The following DAPK2 variants were observed in gnomAD, a reference collection of about 807,000 sequenced individuals.
DAPK2 encodes the protein death associated protein kinase 2.
Under a neutral mutation model 44.1 loss-of-function variants are expected in DAPK2, and 35 were observed. That is an observed-to-expected ratio of 0.79 (90% CI 0.61 to 1.05). The LOEUF (loss-of-function observed/expected upper bound fraction) is 1.05. Ranked by LOEUF, DAPK2 falls within the 50% of genes least tolerant of loss-of-function variation. The probability of loss-of-function intolerance (pLI) is 0.00; values close to 1 mark genes in which losing one functional copy is unlikely to be tolerated. For synonymous variants in DAPK2, 174 were observed against 182.6 expected, an observed-to-expected ratio of 0.95 and a Z score of 0.38; for missense variants, 453 against 483.2, an observed-to-expected ratio of 0.94 and a Z score of 0.59.
chr15:63,968,879 A>G (rs1327032531), intron 3 of DAPK2, among the ~76,000 whole-genome samples: 2 of 152,202 alleles, frequency 1.3e-5, no homozygotes, highest in Non-Finnish European at 2.9e-5. Context: ...GACCCATTCA[A>G]GAAAAGACAA....
At chr15:64,042,458 G>A (rs1011767804), upstream of DAPK2, among the ~76,000 whole-genome samples, 6 of 152,184 alleles carry the variant, frequency 3.9e-5, no homozygotes, top group African/African-American at 1.4e-4. The surrounding 1 kb of genome is among the most constrained non-coding windows in gnomAD (Gnocchi z 4.7). Flanking sequence ...AAAAAATTCT[G>A]TTGGCAGAAA....
intron 1 of DAPK2, among the ~76,000 whole-genome samples, chr15:64,025,851 C>T (rs1157006625): frequency 2.0e-5 from 3 of 151,958 alleles, no homozygotes; most frequent in African/African-American, 4.8e-5. Context: ...ATGGATATTG[C>T]GGGGGATGGA....
At chr15:64,029,830 G>A (rs575987110) in intron 1 of DAPK2, 9 of 152,512 alleles carry the variant, frequency 5.9e-5, no homozygotes, top group African/African-American at 2.2e-4. Flanking sequence ...TGCTGTGGTG[G>A]AGGAGGCTTT....
chr15:63,953,692 C>T (rs1337495591), intron 3 of DAPK2, among the ~76,000 whole-genome samples: 1 of 152,170 alleles, frequency 6.6e-6, no homozygotes, highest in Non-Finnish European at 1.5e-5. Context: ...TTTGAGGAAC[C>T]TCCAAATGTT....
intron 4 of DAPK2, among the ~76,000 whole-genome samples, chr15:63,938,488 T>A (rs1158269368): frequency 1.3e-5 from 2 of 152,226 alleles, no homozygotes; most frequent in Non-Finnish European, 2.9e-5. Flanking sequence ...TCTTTCTTTT[T>A]TATTTGACTG....
chr15:63,979,694 C>T (rs2078449300), intron 2 of DAPK2, among the ~76,000 whole-genome samples: 1 of 152,108 alleles, frequency 6.6e-6, no homozygotes, highest in Non-Finnish European at 1.5e-5. Flanking sequence ...GAGTGGATCA[C>T]TGGAGGCCAG....
chr15:63,927,188 A>G (rs1459642904), intron 6 of DAPK2, among the ~76,000 whole-genome samples: 1 of 152,204 alleles, frequency 6.6e-6, no homozygotes, highest in Non-Finnish European at 1.5e-5. Flanking sequence ...GGGCTCTGGA[A>G]TTAATGGCCA....
Position 63,908,802 on chromosome 15 carries a change from A to C in DAPK2, c.1033-202T>G. On this transcript the variant is annotated intron_variant, in intron 10 of 10. Coordinates refer to ENST00000261891, the Ensembl canonical transcript of DAPK2. This position sits in a 1 kb window ranked among gnomAD's most constrained non-coding sequence, Gnocchi z 5.7. ...AAACGAGGCCAGACCAACTGCTTGG[A>C]GGAAGGAAAGCAGCAGGGCATCTAA... 2.5e-6 allele frequency: 1 copy of C among 406,802 alleles called. No individual in the cohort carries two copies. The highest frequency in any genetic ancestry group is 3.9e-5 in the East Asian group (1 of 25,830). The allele number at this position is 406,802 out of a possible 1,614,324, so 25.2% of individuals were successfully genotyped here. A position where few individuals can be genotyped will look rare whatever the true frequency, so the allele number is the denominator to read the frequency against.
At chr15:63,984,817 T>A (rs1387152783) in intron 1 of DAPK2, among the ~76,000 whole-genome samples, 1 of 152,142 alleles carries the variant, frequency 6.6e-6, no homozygotes, top group African/African-American at 2.4e-5. Context: ...TACAGGGAAA[T>A]GCCTGGGATA....
intron 3 of DAPK2, among the ~76,000 whole-genome samples, chr15:63,957,485 T>A (rs1025977834): frequency 6.6e-6 from 1 of 150,930 alleles, no homozygotes; most frequent in African/African-American, 2.4e-5. Flanking sequence ...TAGGTGTATC[T>A]CCTAATGCTA....
intron 3 of DAPK2, among the ~76,000 whole-genome samples, chr15:63,965,971 G>GTTGCAGGACAAAGTCCCCTT (rs1313796427): frequency 6.6e-6 from 1 of 152,218 alleles, no homozygotes; most frequent in African/African-American, 2.4e-5. Flanking sequence ...TAGTACCTAT[G>GTTGCAGGACAAAGTCCCCTT]TTGCAGGACA....
intron 1 of DAPK2, among the ~76,000 whole-genome samples, chr15:64,002,589 A>G (rs1187129710): frequency 6.6e-6 from 1 of 152,246 alleles, no homozygotes; most frequent in Middle Eastern, 3.2e-3. Flanking sequence ...CTTCTGTAAA[A>G]TGAGGCTAAT....
At chr15:64,036,790 C>A (rs1298326761) in intron 1 of DAPK2, among the ~76,000 whole-genome samples, 1 of 152,104 alleles carries the variant, frequency 6.6e-6, no homozygotes, top group Non-Finnish European at 1.5e-5. Flanking sequence ...TTATATTGAG[C>A]TCTCCAGACA....
chr15:63,942,847 AAC>A (rs2077346465), intron 3 of DAPK2, among the ~76,000 whole-genome samples: 1 of 151,912 alleles, frequency 6.6e-6, no homozygotes, highest in Non-Finnish European at 1.5e-5. Context: ...GTAATACCCG[AAC>A]ACAGTGCTTC....
intron 4 of DAPK2, among the ~76,000 whole-genome samples, chr15:63,931,958 A>G (rs2076966067): frequency 1.3e-5 from 2 of 151,936 alleles, no homozygotes; most frequent in Non-Finnish European, 2.9e-5. Flanking sequence ...TGATGTCAAG[A>G]GTTCGAGACC....
chr15:63,924,512 T>C (rs2079182090), intron 8 of DAPK2: 1 of 299,152 alleles, frequency 3.3e-6, no homozygotes, highest in Non-Finnish European at 6.2e-6. Context: ...GGCAGTGACA[T>C]ACCCTTCAAC....
intron 3 of DAPK2, among the ~76,000 whole-genome samples, chr15:63,962,171 G>A (rs544020768): frequency 8.4e-4 from 128 of 152,162 alleles, no homozygotes; most frequent in African/African-American, 2.5e-3. Context: ...CATAGTTCTC[G>A]TGCCAGGGTT....
intron 1 of DAPK2, 132 bp from the exon 3 acceptor site, chr15:63,983,886 C>T: frequency 3.6e-6 from 3 of 837,680 alleles, no homozygotes; most frequent in South Asian, 3.3e-5. Context: ...CACCAGTCTG[C>T]ATCCCCACCT....
intron 1 of DAPK2, among the ~76,000 whole-genome samples, chr15:64,019,459 C>T (rs1172011122): frequency 6.6e-6 from 1 of 152,176 alleles, no homozygotes; most frequent in Non-Finnish European, 1.5e-5. Context: ...ACACAAAGGT[C>T]TAAGGTACTT....
Sources: allele counts gnomAD v4.1 joint callset (sites outside exome capture counted in the v4.1 genomes callset), GRCh38; gene constraint gnomAD v4.1.1; non-coding constraint Gnocchi (gnomAD v3.1); transcripts MANE v1.5; gene names NCBI Gene and HGNC (gene_info 2026-07-23, HGNC 2026-07-21).